TCERG1L: variants seen among roughly 807,000 people sequenced by gnomAD.
TCERG1L encodes the protein transcription elongation regulator 1 like.
In TCERG1L, 37 loss-of-function variants were observed where a neutral mutation model predicts 56.3. The observed-to-expected ratio is 0.66, with a 90% CI of 0.51 to 0.87. The LOEUF is 0.87. Among genes scored for constraint, TCERG1L ranks in the 40% least tolerant of loss-of-function variants. The probability of loss-of-function intolerance (pLI) is 0.00; values close to 1 mark genes in which losing one functional copy is unlikely to be tolerated. For synonymous variants in TCERG1L, 324 were observed against 326.3 expected (o/e 0.99, Z 0.08); for missense variants, 799 against 774.2 (o/e 1.03, Z -0.38).
At chr10:131,246,079 C>T (rs1050279830) in intron 4 of TCERG1L, among the ~76,000 whole-genome samples, 2 of 152,188 alleles carry the variant, frequency 1.3e-5, no homozygotes, top group African/African-American at 4.8e-5. Context: ...TTCACGAGAG[C>T]CACAGCCTTG....
intron 3 of TCERG1L, among the ~76,000 whole-genome samples, chr10:131,284,376 T>C (rs766849926): frequency 6.6e-6 from 1 of 151,848 alleles, no homozygotes; most frequent in Non-Finnish European, 1.5e-5. Context: ...ACAAAAATAG[T>C]ACATTAAAAA....
chr10:131,093,361 C>G, intron 11 of TCERG1L, 43 bp from the exon 12 acceptor site: 1 of 1,604,192 alleles, frequency 6.2e-7, no homozygotes, highest in Non-Finnish European at 8.5e-7. Flanking sequence ...CAGAGAGCAA[C>G]TCTGGCCTCC....
Position 131,209,228 on chromosome 10 carries a change from G to C in TCERG1L, c.857-42343C>G, listed in dbSNP as rs184893083. On this transcript the variant is annotated intron_variant, in intron 4 of 11. Transcript: ENST00000368642. ...AGGATACCTCAGTAAGTATCAGCAA[G>C]TGTTCCCAAATCTGAAACACCTGTC... Among the ~76,000 whole-genome samples, 82 of 152,252 alleles carry C rather than the reference G, an allele frequency of 5.4e-4. No individual in the cohort carries two copies. In the East Asian group the frequency reaches 0.012, roughly 23 times the overall value.
chr10:131,311,679 C>T lies in TCERG1L; in HGVS notation c.-44G>A, dbSNP rs1462417978. 1 of 1,019,796 alleles carries T rather than the reference C, an allele frequency of 9.8e-7. No individual in the cohort carries two copies. Among genetic ancestry groups the T allele is most frequent in the Non-Finnish European group, 1.2e-6 (1 of 832,530 alleles). 63.2% of individuals were successfully genotyped at this position (1,019,796 alleles called of 1,614,324 possible). A position where few individuals can be genotyped will look rare whatever the true frequency, so the allele number is the denominator to read the frequency against. ...CGGCGGCGGCGGGGGCGGCGGGCGC[C>T]CGAGATGCTGGGCCGGCGGCGGCGC... On this transcript the variant is annotated 5_prime_UTR_variant, in exon 1 of 12. Coordinates refer to ENST00000368642, the MANE Select transcript of TCERG1L (RefSeq NM_174937.4). The surrounding 1 kb of genome is among the most constrained non-coding windows in gnomAD (Gnocchi z 4.0).
chr10:131,209,384 T>C (rs780154487), intron 4 of TCERG1L, among the ~76,000 whole-genome samples: 2 of 152,216 alleles, frequency 1.3e-5, no homozygotes, highest in Non-Finnish European at 2.9e-5. Flanking sequence ...TTACTGATAA[T>C]GTCTAGTGTA....
At chr10:131,294,537 T>G (rs994768466) in intron 3 of TCERG1L, among the ~76,000 whole-genome samples, 3 of 152,202 alleles carry the variant, frequency 2.0e-5, no homozygotes, top group African/African-American at 4.8e-5. Context: ...TGTATTAATT[T>G]TGCCTCAGTT....
chr10:131,246,760 T>C (rs1027224501), intron 4 of TCERG1L, among the ~76,000 whole-genome samples: 3 of 152,164 alleles, frequency 2.0e-5, no homozygotes, highest in African/African-American at 7.2e-5. Context: ...CCTTCCAGCC[T>C]TGAGGCTGGG....
chr10:131,296,586 AGAACTACT>A (rs1338652811), intron 3 of TCERG1L, among the ~76,000 whole-genome samples: 2 of 152,204 alleles, frequency 1.3e-5, no homozygotes, highest in African/African-American at 4.8e-5. Flanking sequence ...TTTCTTCGTC[AGAACTACT>A]GTGGTGATTC....
chr10:131,231,661 C>G (rs948749195), intron 4 of TCERG1L, among the ~76,000 whole-genome samples: 1 of 152,216 alleles, frequency 6.6e-6, no homozygotes, highest in African/African-American at 2.4e-5. Flanking sequence ...CTGTGACCTT[C>G]CTCCTGGTTC....
intron 3 of TCERG1L, among the ~76,000 whole-genome samples, chr10:131,285,429 A>G (rs10741248): frequency 0.51 from 36,946 of 72,944 alleles, 7,494 homozygotes; most frequent in Non-Finnish European, 0.59. Flanking sequence ...GAGAGAGAGA[A>G]AGAGAGAAAG....
chr10:131,246,009 T>G (rs5004306), intron 4 of TCERG1L, among the ~76,000 whole-genome samples: 148,496 of 152,218 alleles, frequency 0.98, 72,525 homozygotes, highest in East Asian at 1. Context: ...GCCCCCCAAG[T>G]GTCGGGTCTT....
intron 4 of TCERG1L, among the ~76,000 whole-genome samples, chr10:131,185,923 A>C (rs1845237356): frequency 6.6e-6 from 1 of 152,264 alleles, no homozygotes; most frequent in Admixed American, 6.5e-5. Flanking sequence ...TCACAGCAAC[A>C]CTATTCATAA....
Position 131,264,565 on chromosome 10 carries a change from C to T in TCERG1L, c.671-4121G>A, listed in dbSNP as rs762094790. 2.6e-5 allele frequency among the ~76,000 whole-genome samples: 4 copies of T among 152,222 alleles called. No individual in the cohort carries two copies. In the South Asian group the frequency reaches 8.3e-4, roughly 31 times the overall value. ...CTCAGGGGGAAGCTGCGTCCCCACACCAGGCTCTTGCTTAGCCAGGCATGG... is the reference window on the plus strand; with the variant it reads ...CTCAGGGGGAAGCTGCGTCCCCACATCAGGCTCTTGCTTAGCCAGGCATGG... On this transcript the variant is annotated intron_variant, in intron 3 of 11. Transcript: ENST00000368642.
intron 4 of TCERG1L, among the ~76,000 whole-genome samples, chr10:131,219,856 G>A (rs978718541): frequency 1.3e-5 from 2 of 152,186 alleles, no homozygotes; most frequent in Non-Finnish European, 2.9e-5. Flanking sequence ...TGTTAAGGTG[G>A]GATGCTGGAG....
intron 7 of TCERG1L, among the ~76,000 whole-genome samples, chr10:131,143,225 C>T (rs1589727047): frequency 6.6e-6 from 1 of 152,260 alleles, no homozygotes; most frequent in East Asian, 1.9e-4. Context: ...GAGGGAAGTC[C>T]ACGGAACCAA....
At chr10:131,102,979 G>A (rs1247389654) in intron 10 of TCERG1L, among the ~76,000 whole-genome samples, 3 of 152,036 alleles carry the variant, frequency 2.0e-5, no homozygotes, top group Non-Finnish European at 2.9e-5. Context: ...GCCCTGGCAA[G>A]TCTCTCCTTA....
intron 3 of TCERG1L, among the ~76,000 whole-genome samples, chr10:131,275,438 GTTA>G (rs539085147): frequency 3.9e-4 from 59 of 152,290 alleles, no homozygotes; most frequent in South Asian, 2.5e-3. Context: ...CTAATGCGTT[GTTA>G]TTATTGTGAT....
chr10:131,118,788 C>T lies in TCERG1L; in HGVS notation c.1260-1854G>A, dbSNP rs746756097. Among the ~76,000 whole-genome samples the T allele has an allele frequency of 3.3e-5, 5 of 152,176 alleles. No individual in the cohort carries two copies. Among genetic ancestry groups the T allele is most frequent in the Non-Finnish European group, 5.9e-5 (4 of 68,038 alleles). On this transcript the variant is annotated intron_variant, in intron 8 of 11. Transcript: ENST00000368642. The surrounding 1 kb of genome is among the most constrained non-coding windows in gnomAD (Gnocchi z 4.2). The stretch of plus-strand genomic sequence containing the variant: ...CAGTCTTGAATATAATCTGTTTTTA[C>T]GGCTTTAACTACTGTCCAGTTCTGG...
intron 4 of TCERG1L, among the ~76,000 whole-genome samples, chr10:131,210,894 ACAG>A (rs1845610390): frequency 6.6e-6 from 1 of 152,218 alleles, no homozygotes; most frequent in African/African-American, 2.4e-5. Flanking sequence ...AGCCACCGAA[ACAG>A]CAAGTCATTA....
Sources: allele counts gnomAD v4.1 joint callset (sites outside exome capture counted in the v4.1 genomes callset), GRCh38; gene constraint gnomAD v4.1.1; non-coding constraint Gnocchi (gnomAD v3.1); transcripts MANE v1.5; gene names NCBI Gene and HGNC (gene_info 2026-07-23, HGNC 2026-07-21).